ADAMTS6: variants seen among roughly 807,000 people sequenced by gnomAD.
ADAMTS6 encodes A disintegrin and metalloproteinase with thrombospondin motifs 6.
In ADAMTS6, 23 loss-of-function variants were observed where a neutral mutation model predicts 144.3. The ratio of observed to expected loss-of-function variants is 0.16; its 90% CI spans 0.11 to 0.23. The LOEUF is 0.23. Ranked by LOEUF, ADAMTS6 falls within the 10% of genes least tolerant of loss-of-function variation. The probability of loss-of-function intolerance (pLI) is 1.00; values close to 1 mark genes in which losing one functional copy is unlikely to be tolerated. For missense variants in ADAMTS6, 999 were observed against 1,379.6 expected (o/e 0.72, Z 4.37); for synonymous variants, 444 against 457.5 (o/e 0.97, Z 0.38).
chr5:65,168,121 T>A (rs1028499493), intron 24 of ADAMTS6, among the ~76,000 whole-genome samples: 2 of 150,928 alleles, frequency 1.3e-5, no homozygotes, highest in African/African-American at 2.4e-5. Context: ...ACATGATTGT[T>A]TATCTAGAAA....
intron 21 of ADAMTS6, among the ~76,000 whole-genome samples, chr5:65,188,611 G>T (rs992325301): frequency 6.6e-6 from 1 of 152,160 alleles, no homozygotes; most frequent in Non-Finnish European, 1.5e-5. Context: ...TATGGCAGGG[G>T]GTGGGGGAGT....
chr5:65,450,835 G>T (rs1185460331), intron 7 of ADAMTS6, among the ~76,000 whole-genome samples: 1 of 152,078 alleles, frequency 6.6e-6, no homozygotes, highest in Non-Finnish European at 1.5e-5. Context: ...TGTTGCTGGA[G>T]AGTAAAGAAT....
intron 7 of ADAMTS6, among the ~76,000 whole-genome samples, chr5:65,398,816 GAAAGAAAGAAAGAA>G (rs1309690050): frequency 7.8e-6 from 1 of 128,162 alleles, no homozygotes; most frequent in Non-Finnish European, 1.6e-5. Flanking sequence ...AAGAAAGAAA[GAAAGAAAGAAAGAA>G]AGAAAGAAAG....
intron 12 of ADAMTS6, among the ~76,000 whole-genome samples, chr5:65,272,600 A>G (rs928930084): frequency 3.9e-5 from 6 of 152,148 alleles, no homozygotes; most frequent in East Asian, 1.9e-4. Flanking sequence ...TTTTTCTACT[A>G]GTCCCTTCTC....
At chr5:65,475,873 C>T (rs1448892052) in intron 1 of ADAMTS6, among the ~76,000 whole-genome samples, 1 of 152,184 alleles carries the variant, frequency 6.6e-6, no homozygotes, top group African/African-American at 2.4e-5. Context: ...ATCTCCAAAA[C>T]CATCTTGTGA....
intron 7 of ADAMTS6, among the ~76,000 whole-genome samples, chr5:65,378,752 T>C (rs1751775478): frequency 6.6e-6 from 1 of 152,206 alleles, no homozygotes. Context: ...CCTGGATATA[T>C]ATCATTTGCT....
intron 7 of ADAMTS6, among the ~76,000 whole-genome samples, chr5:65,362,534 A>G (rs1011263328): frequency 1.3e-5 from 2 of 152,258 alleles, no homozygotes; most frequent in African/African-American, 4.8e-5. Flanking sequence ...TTTCTTAAAA[A>G]ATAAAATTAT....
intron 11 of ADAMTS6, 86 bp downstream of exon 11, chr5:65,291,243 C>A: frequency 1.4e-6 from 2 of 1,467,474 alleles, no homozygotes; most frequent in Admixed American, 2.2e-5. Flanking sequence ...CTAGAGGGAA[C>A]CGACATTCAT....
intron 14 of ADAMTS6, among the ~76,000 whole-genome samples, chr5:65,259,666 C>T (rs78152071): frequency 0.014 from 2,204 of 152,196 alleles, 54 homozygotes; most frequent in African/African-American, 0.05. Flanking sequence ...TCAGTAAGTA[C>T]AGACAAGTCT....
intron 24 of ADAMTS6, among the ~76,000 whole-genome samples, chr5:65,160,129 C>A (rs952450004): frequency 2.0e-5 from 3 of 152,114 alleles, no homozygotes; most frequent in African/African-American, 7.2e-5. Flanking sequence ...AACTGAAAGA[C>A]TATTTTAGAT....
chr5:65,193,643 A>C (rs145114519), intron 21 of ADAMTS6, among the ~76,000 whole-genome samples: 5 of 152,284 alleles, frequency 3.3e-5, no homozygotes, highest in Non-Finnish European at 7.4e-5. Flanking sequence ...ATATAGATTC[A>C]CACAATCTTT....
chr5:65,332,287 GTATATATATATA>G (rs367547551), intron 8 of ADAMTS6, among the ~76,000 whole-genome samples: 3 of 117,952 alleles, frequency 2.5e-5, no homozygotes, highest in Non-Finnish European at 5.2e-5. Context: ...GACAGTGAGG[GTATATATATATA>G]TATATATATA....
At chr5:65,387,200 T>C (rs1752545140) in intron 7 of ADAMTS6, among the ~76,000 whole-genome samples, 1 of 152,234 alleles carries the variant, frequency 6.6e-6, no homozygotes, top group Non-Finnish European at 1.5e-5. Context: ...GTCTGAAGTT[T>C]AATTTGAAAG....
intron 14 of ADAMTS6, among the ~76,000 whole-genome samples, chr5:65,255,045 C>G (rs1760525949): frequency 6.6e-6 from 1 of 152,180 alleles, no homozygotes; most frequent in Non-Finnish European, 1.5e-5. Context: ...AGGTAGACAC[C>G]TGTGGCGTAC....
At chr5:65,221,553 C>T (rs61091937) in intron 18 of ADAMTS6, among the ~76,000 whole-genome samples, 1,705 of 152,202 alleles carry the variant, frequency 0.011, 30 homozygotes, top group African/African-American at 0.039. Context: ...ACAATAACAA[C>T]AAGGAATGAT....
chr5:65,236,353 T>C (rs1419720891), intron 15 of ADAMTS6, among the ~76,000 whole-genome samples: 1 of 152,188 alleles, frequency 6.6e-6, no homozygotes, highest in Non-Finnish European at 1.5e-5. Flanking sequence ...AGTGGTGTGA[T>C]CATAGCTCAC....
chr5:65,240,843 A>G (rs1026577647), intron 15 of ADAMTS6, among the ~76,000 whole-genome samples: 4 of 152,194 alleles, frequency 2.6e-5, no homozygotes, highest in African/African-American at 9.7e-5. Flanking sequence ...AGGTAAAGCC[A>G]ATGTTCTGTA....
intron 7 of ADAMTS6, among the ~76,000 whole-genome samples, chr5:65,364,716 G>T (rs1193732728): frequency 6.6e-6 from 1 of 151,768 alleles, no homozygotes; most frequent in Non-Finnish European, 1.5e-5. Flanking sequence ...ACAGGCGCCC[G>T]TCACTGCGCC....
rs530786425 is a variant in ADAMTS6, at chr5:65,193,738, T to C, written c.2705+3284A>G. The stretch of plus-strand genomic sequence containing the variant: ...AAATTATTTTCTTCTTTATTTAGCA[T>C]ATATAATTATAAAGAACAGTTTCAG... On this transcript the variant is annotated intron_variant, in intron 21 of 24. Transcript: ENST00000381055. Among the ~76,000 whole-genome samples, 6 of 152,250 alleles carry C rather than the reference T, an allele frequency of 3.9e-5. No homozygotes were observed. The East Asian group carries it at 1.2e-3, about 29-fold the overall frequency.
Sources: allele counts gnomAD v4.1 joint callset (sites outside exome capture counted in the v4.1 genomes callset), GRCh38; gene constraint gnomAD v4.1.1; transcripts MANE v1.5; gene names NCBI Gene and HGNC (gene_info 2026-07-23, HGNC 2026-07-21).